Variants in CHRM3 observed in about 807,000 individuals in gnomAD.
CHRM3 encodes the protein cholinergic receptor muscarinic 3.
Under a neutral mutation model 41.8 loss-of-function variants are expected in CHRM3, and 11 were observed. The ratio of observed to expected loss-of-function variants is 0.26; its 90% CI spans 0.17 to 0.44. The LOEUF is 0.44. Among genes scored for constraint, CHRM3 ranks in the 20% least tolerant of loss-of-function variants. The pLI is 1.00. For missense variants in CHRM3, 571 were observed against 745.4 expected (o/e 0.77, Z 2.72); for synonymous variants, 297 against 301.4 (o/e 0.99, Z 0.15).
At chr1:239,471,502 C>T (rs1194520666) in intron 1 of CHRM3, among the ~76,000 whole-genome samples, 1 of 152,188 alleles carries the variant, frequency 6.6e-6, no homozygotes, top group Non-Finnish European at 1.5e-5. Flanking sequence ...TGTCTTATGG[C>T]TCAGAGAGCC....
intron 1 of CHRM3, among the ~76,000 whole-genome samples, chr1:239,475,789 TTA>T (rs2147968300): frequency 6.6e-6 from 1 of 152,260 alleles, no homozygotes; most frequent in South Asian, 2.1e-4. Flanking sequence ...TTAAAATTAT[TTA>T]TGTTATTAGT....
At chr1:239,632,891 A>G (rs1670002277) in intron 4 of CHRM3, among the ~76,000 whole-genome samples, 1 of 152,230 alleles carries the variant, frequency 6.6e-6, no homozygotes, top group Admixed American at 6.5e-5. Flanking sequence ...AAAGAAGTTT[A>G]ATTGTCTCAC....
intron 2 of CHRM3, among the ~76,000 whole-genome samples, chr1:239,533,076 G>C (rs933125168): frequency 2.0e-5 from 3 of 151,964 alleles, no homozygotes; most frequent in African/African-American, 7.3e-5. Flanking sequence ...ATAACCTCAA[G>C]TTTTTGTCTT....
At chr1:239,743,218 C>A (rs901657284) in intron 5 of CHRM3, among the ~76,000 whole-genome samples, 1 of 152,132 alleles carries the variant, frequency 6.6e-6, no homozygotes, top group African/African-American at 2.4e-5. Flanking sequence ...ACATTAGCAA[C>A]AAGGGGCCAA....
At chr1:239,716,584 G>A (rs1035196330) in intron 5 of CHRM3, among the ~76,000 whole-genome samples, 1 of 152,100 alleles carries the variant, frequency 6.6e-6, no homozygotes, top group Non-Finnish European at 1.5e-5. Flanking sequence ...GATGTTTACA[G>A]CTAAACAGTG....
At position 239,912,718 on chromosome 1, in the gene CHRM3, A is replaced by T. The variant is rs558065834; in HGVS notation, c.*3494A>T. On this transcript the variant is annotated 3_prime_UTR_variant, in exon 7 of 7. Coordinates refer to ENST00000676153, the MANE Select transcript of CHRM3 (RefSeq NM_001375978.1). ...AGTGGCACAGAGAAGGATTCCAGGG[A>T]TCAGTCAGGGTGTCCTGTACCTATC... The T allele has an allele frequency of 8.4e-5, 14 of 167,316 alleles. No homozygotes were observed. The highest frequency in any genetic ancestry group is 2.6e-4 in the Admixed American group (4 of 15,308). The allele number at this position is 167,316 out of a possible 1,614,324, so 10.4% of individuals were successfully genotyped here.
intron 5 of CHRM3, among the ~76,000 whole-genome samples, chr1:239,743,961 ATTTTTTTTTTAAGTTTT>A (rs1180549204): frequency 4.3e-4 from 60 of 139,422 alleles, no homozygotes; most frequent in African/African-American, 1.5e-3. Context: ...TGCCCGGCTA[ATTTTTTTTTTAAGTTTT>A]TTTTTTTTTT....
At chr1:239,541,837 C>T (rs772712153) in intron 2 of CHRM3, among the ~76,000 whole-genome samples, 3 of 152,118 alleles carry the variant, frequency 2.0e-5, no homozygotes, top group Non-Finnish European at 2.9e-5. Context: ...CAAATCCTCA[C>T]CAAGATTGCC....
chr1:239,540,983 C>T (rs955621319), intron 2 of CHRM3, among the ~76,000 whole-genome samples: 4 of 152,052 alleles, frequency 2.6e-5, no homozygotes, highest in Admixed American at 6.6e-5. Flanking sequence ...TGATTTGTTA[C>T]GTGGAAATGC....
intron 1 of CHRM3, among the ~76,000 whole-genome samples, chr1:239,479,163 G>T (rs1666655375): frequency 6.7e-6 from 1 of 150,242 alleles, no homozygotes; most frequent in Admixed American, 6.7e-5. Context: ...CAGCCTGGGT[G>T]ACAGAGTGAA....
chr1:239,480,078 T>C (rs1018320238), intron 1 of CHRM3, among the ~76,000 whole-genome samples: 2 of 152,214 alleles, frequency 1.3e-5, no homozygotes, highest in African/African-American at 4.8e-5. Context: ...ATCATAATTA[T>C]GCATTCCAAG....
At chr1:239,840,193 G>A (rs1572454778) in intron 6 of CHRM3, among the ~76,000 whole-genome samples, 1 of 152,090 alleles carries the variant, frequency 6.6e-6, no homozygotes, top group East Asian at 1.9e-4. Flanking sequence ...CATTATGTGT[G>A]CATTTAGAAA....
intron 5 of CHRM3, among the ~76,000 whole-genome samples, chr1:239,684,817 G>A (rs192981893): frequency 2.2e-5 from 3 of 133,966 alleles, no homozygotes; most frequent in African/African-American, 5.5e-5. Context: ...AGAGAGGATG[G>A]CATATGGAGA....
At chr1:239,713,179 G>C (rs923726582) in intron 5 of CHRM3, among the ~76,000 whole-genome samples, 1 of 152,162 alleles carries the variant, frequency 6.6e-6, no homozygotes, top group African/African-American at 2.4e-5. Flanking sequence ...AGGCAGCTGA[G>C]CAAAATAAAG....
At chr1:239,486,682 G>C (rs1040211167) in intron 1 of CHRM3, among the ~76,000 whole-genome samples, 2 of 152,010 alleles carry the variant, frequency 1.3e-5, no homozygotes, top group Non-Finnish European at 2.9e-5. Flanking sequence ...TTACAAAACA[G>C]GTGGCTAATA....
intron 3 of CHRM3, among the ~76,000 whole-genome samples, chr1:239,591,536 G>T (rs1000668476): frequency 2.0e-5 from 3 of 151,508 alleles, no homozygotes; most frequent in Non-Finnish European, 4.4e-5. Flanking sequence ...CTTAGGAAGT[G>T]TTATTTCTAT....
chr1:239,424,369 G>A (rs1466677647), intron 1 of CHRM3, among the ~76,000 whole-genome samples: 1 of 150,162 alleles, frequency 6.7e-6, no homozygotes. Flanking sequence ...GCTAGGCTTG[G>A]AAATTAATAT....
chr1:239,456,346 C>A (rs1664935267), intron 1 of CHRM3, among the ~76,000 whole-genome samples: 1 of 152,108 alleles, frequency 6.6e-6, no homozygotes, highest in Non-Finnish European at 1.5e-5. Flanking sequence ...TTATAAGGAA[C>A]TTTTAGTGTA....
chr1:239,812,249 A>G (rs899691976), intron 5 of CHRM3, among the ~76,000 whole-genome samples: 11 of 152,300 alleles, frequency 7.2e-5, no homozygotes, highest in African/African-American at 2.6e-4. Flanking sequence ...CATGTTGCCC[A>G]GGCTTGTCTC....
Sources: allele counts gnomAD v4.1 joint callset (sites outside exome capture counted in the v4.1 genomes callset), GRCh38; gene constraint gnomAD v4.1.1; transcripts MANE v1.5; gene names NCBI Gene and HGNC (gene_info 2026-07-23, HGNC 2026-07-21).